The following ADAM10 variants were observed in gnomAD, a reference collection of about 807,000 sequenced individuals.
ADAM10 encodes the protein disintegrin and metalloproteinase domain-containing protein 10.
Under a neutral mutation model 90.1 loss-of-function variants are expected in ADAM10, and 17 were observed. The ratio of observed to expected loss-of-function variants is 0.19; its 90% CI spans 0.13 to 0.28. The LOEUF is 0.28. Among genes scored for constraint, ADAM10 ranks in the 10% least tolerant of loss-of-function variants. The pLI, the probability that ADAM10 is intolerant of heterozygous loss-of-function variation, is 1.00. For synonymous variants in ADAM10, 310 were observed against 298.6 expected (o/e 1.04, Z -0.40); for missense variants, 610 against 914.3 (o/e 0.67, Z 4.29).
At chr15:58,630,765 A>T (rs1220130233) in intron 9 of ADAM10, among the ~76,000 whole-genome samples, 2 of 152,186 alleles carry the variant, frequency 1.3e-5, no homozygotes, top group South Asian at 2.1e-4. Context: ...TCAGATAAAG[A>T]TGTTAAGGGA....
chr15:58,693,382 C>A (rs1207111194), intron 2 of ADAM10, among the ~76,000 whole-genome samples: 2 of 152,110 alleles, frequency 1.3e-5, no homozygotes, highest in African/African-American at 2.4e-5. Flanking sequence ...TACCATAAAG[C>A]TACAGTAACC....
intron 6 of ADAM10, among the ~76,000 whole-genome samples, chr15:58,645,667 G>C (rs1896527575): frequency 6.6e-6 from 1 of 152,042 alleles, no homozygotes; most frequent in Admixed American, 6.6e-5. Flanking sequence ...GGGTTGAGAA[G>C]ACACAAGTAC....
At position 58,749,696 on chromosome 15, in the gene ADAM10, G is replaced by A. The variant is rs199521764; in HGVS notation, c.-162C>T. ...AGCACCTCCCTCTCGCTCCACTTCAGGGGCCGGCAACGCTCCTAGCTCCTC... is the reference window on the plus strand; with the variant it reads ...AGCACCTCCCTCTCGCTCCACTTCAAGGGCCGGCAACGCTCCTAGCTCCTC... On this transcript the variant is annotated 5_prime_UTR_variant, in exon 1 of 16. Transcript: ENST00000260408. 4.9e-6 allele frequency: 7 copies of A among 1,431,878 alleles called. No homozygotes were observed. The highest frequency in any genetic ancestry group is 2.0e-4 in the Middle Eastern group (1 of 4,908). 88.7% of individuals were successfully genotyped at this position (1,431,878 alleles called of 1,614,324 possible).
chr15:58,676,692 C>A (rs965318304), intron 4 of ADAM10, among the ~76,000 whole-genome samples: 1 of 151,994 alleles, frequency 6.6e-6, no homozygotes, highest in Non-Finnish European at 1.5e-5. Context: ...TGGCTTATAC[C>A]TGGAGTCCCA....
At chr15:58,691,676 C>CTTCTTTTTTTTTTTTTTT (rs746349800) in intron 2 of ADAM10, 6 of 196,356 alleles carry the variant, frequency 3.1e-5, no homozygotes, top group African/African-American at 2.3e-4. Flanking sequence ...ACTTCTTCTT[C>CTTCTTTTTTTTTTTTTTT]TTTTTTTTTT....
intron 11 of ADAM10, among the ~76,000 whole-genome samples, chr15:58,614,594 T>A (rs1895548012): frequency 6.6e-6 from 1 of 152,132 alleles, no homozygotes; most frequent in Non-Finnish European, 1.5e-5. Context: ...GTCCCTCATT[T>A]CTGAAGGATA....
At chr15:58,691,342 C>T in intron 2 of ADAM10, 1 of 1,066,278 alleles carries the variant, frequency 9.4e-7, no homozygotes, top group Non-Finnish European at 1.4e-6. Context: ...ACACAGTACT[C>T]ATCAATGGGC....
chr15:58,627,203 T>C (rs1456631247), intron 10 of ADAM10, among the ~76,000 whole-genome samples: 3 of 152,134 alleles, frequency 2.0e-5, no homozygotes, highest in Non-Finnish European at 4.4e-5. Flanking sequence ...CTTTCACTTA[T>C]ATGAAGACAA....
At chr15:58,712,376 T>C (rs1440550135) in intron 2 of ADAM10, among the ~76,000 whole-genome samples, 1 of 150,998 alleles carries the variant, frequency 6.6e-6, no homozygotes, top group South Asian at 2.1e-4. Flanking sequence ...ATATGAAAAT[T>C]AGCTAGGCAT....
At chr15:58,667,137 CACAA>C (rs1897098206) in intron 4 of ADAM10, among the ~76,000 whole-genome samples, 2 of 152,134 alleles carry the variant, frequency 1.3e-5, no homozygotes, top group African/African-American at 2.4e-5. Flanking sequence ...CATATTCTTT[CACAA>C]ACAATGAGTC....
At chr15:58,735,871 C>T (rs140067581) in intron 1 of ADAM10, among the ~76,000 whole-genome samples, 58 of 152,254 alleles carry the variant, frequency 3.8e-4, no homozygotes, top group Non-Finnish European at 6.9e-4. Context: ...TATGAAAAAA[C>T]TGAAATGGTT....
chr15:58,611,765 G>T, intron 12 of ADAM10, 43 bp downstream of exon 12: 1 of 1,588,422 alleles, frequency 6.3e-7, no homozygotes, highest in South Asian at 1.1e-5. Flanking sequence ...TGAAAAACAA[G>T]TTTTCTAAAA....
intron 1 of ADAM10, among the ~76,000 whole-genome samples, 168 bp from the exon 2 acceptor site, chr15:58,717,895 G>T (rs1898718528): frequency 6.6e-6 from 1 of 152,110 alleles, no homozygotes; most frequent in Non-Finnish European, 1.5e-5. Flanking sequence ...AAAACTTATT[G>T]TGAGGGTAAT....
chr15:58,599,752 A>G lies in ADAM10; in HGVS notation c.2026-28T>C, dbSNP rs759445308. The stretch of plus-strand genomic sequence containing the variant: ...AGAAATAAACAGATTTTTCCACTGA[A>G]AAAAAAAAAACTACAAAATATTTTA... On this transcript the variant is annotated intron_variant, in intron 14 of 15. Transcript: ENST00000260408. 3.9e-6 allele frequency: 5 copies of G among 1,277,100 alleles called. No individual in the cohort carries two copies. In the East Asian group the frequency reaches 2.1e-4, roughly 53 times the overall value. The allele number at this position is 1,277,100 out of a possible 1,614,324, so 79.1% of individuals were successfully genotyped here.
At position 58,749,522 on chromosome 15, in the gene ADAM10, T is replaced by G; in HGVS notation, c.13A>C (p.Arg5=). 5.8e-6 allele frequency: 9 copies of G among 1,553,578 alleles called. No individual in the cohort carries two copies. Among genetic ancestry groups the G allele is most frequent in the Non-Finnish European group, 7.8e-6 (9 of 1,148,276 alleles). MVLL[R]VLILLLSWAA... is the part of the protein sequence containing the mutation. Reference sequence around the variant, plus strand: ...CAGGAGAGGAGCAGAATTAACACTCTCAGCAACACCATCTTCCGCTGCCGC... The same window carrying G: ...CAGGAGAGGAGCAGAATTAACACTCGCAGCAACACCATCTTCCGCTGCCGC... The change falls in exon 1 of 16, where the codon AGA becomes CGA. Residue 5 remains arginine (R), a synonymous_variant. Coordinates refer to ENST00000260408, the MANE Select transcript of ADAM10 (RefSeq NM_001110.4).
chr15:58,669,061 A>C (rs902717850), intron 4 of ADAM10, among the ~76,000 whole-genome samples: 1 of 152,204 alleles, frequency 6.6e-6, no homozygotes, highest in Non-Finnish European at 1.5e-5. Context: ...TCATATGTCA[A>C]TGTTATTTTT....
chr15:58,707,155 A>G (rs1345288836), intron 2 of ADAM10, among the ~76,000 whole-genome samples: 1 of 151,734 alleles, frequency 6.6e-6, no homozygotes, highest in Non-Finnish European at 1.5e-5. Context: ...GGCTAAGGCC[A>G]GTAGATCACC....
At chr15:58,734,934 T>C (rs1899379121) in intron 1 of ADAM10, among the ~76,000 whole-genome samples, 1 of 152,214 alleles carries the variant, frequency 6.6e-6, no homozygotes. Flanking sequence ...CCCTGACTAA[T>C]CTTCAACCCT....
chr15:58,647,646 TCAAA>T (rs1896586011), intron 5 of ADAM10, among the ~76,000 whole-genome samples: 1 of 152,082 alleles, frequency 6.6e-6, no homozygotes. Flanking sequence ...ACTCCTGGGC[TCAAA>T]CAATCCTCCC....
Sources: allele counts gnomAD v4.1 joint callset (sites outside exome capture counted in the v4.1 genomes callset), GRCh38; gene constraint gnomAD v4.1.1; transcripts MANE v1.5; gene names NCBI Gene and HGNC (gene_info 2026-07-23, HGNC 2026-07-21).